Variants in UBP1 observed in about 807,000 individuals in gnomAD.
UBP1 encodes the protein upstream-binding protein 1.
In UBP1, 22 loss-of-function variants were observed where a neutral mutation model predicts 76.1. The observed-to-expected ratio is 0.29, with a 90% confidence interval of 0.21 to 0.41. The LOEUF (loss-of-function observed/expected upper bound fraction) is 0.41, where lower values mean the gene tolerates loss of function less well. Among genes scored for constraint, UBP1 ranks in the 10% least tolerant of loss-of-function variants. The probability of loss-of-function intolerance (pLI) is 1.00; values close to 1 mark genes in which losing one functional copy is unlikely to be tolerated. For synonymous variants in UBP1, 224 were observed against 237.1 expected (o/e 0.94, Z 0.51); for missense variants, 436 against 668.1 (o/e 0.65, Z 3.83).
chr3:33,415,910 C>A (rs1329541902), intron 3 of UBP1: 1 of 152,196 alleles, frequency 6.6e-6, no homozygotes, highest in Non-Finnish European at 1.5e-5. Flanking sequence ...AGGTACTGGG[C>A]AGCTGGCTTT....
At position 33,388,456 on chromosome 3, in the gene UBP1, C is replaced by CA. The variant is rs146484696; in HGVS notation, c.*1874dup. The CA allele has an allele frequency of 2.3e-3, 347 of 152,722 alleles. No individual in the cohort carries two copies. The highest frequency in any genetic ancestry group is 0.014 in the Middle Eastern group (4 of 294). The allele number at this position is 152,722 out of a possible 1,614,324, so 9.5% of individuals were successfully genotyped here. On this transcript the variant is annotated 3_prime_UTR_variant, in exon 16 of 16. Transcript: ENST00000283629. The stretch of plus-strand genomic sequence containing the variant: ...TTAGCCTGTTTCACTGGGACAAACT[C>CA]ACGTTCAATGCCACTCAGTATAATT...
Position 33,402,846 on chromosome 3 carries a change from G to T in UBP1, c.986C>A (p.Pro329His). Residue 329 changes from proline to histidine, a missense_variant, in exon 9 of 16, where the codon CCC (proline) becomes CAC (histidine). Transcript: ENST00000283629. Reference protein sequence around the residue: ...AYVNNSPSPAPTFTSPQQSTC... With the variant: ...AYVNNSPSPAHTFTSPQQSTC... ...GCTCTGCTGTGGGGAGGTGAAAGTG[G>T]GCGCTGGGGAAGGGCTGTTATTCAC... 1.2e-6 allele frequency: 2 copies of T among 1,609,212 alleles called. No individual in the cohort carries two copies. The highest frequency in any genetic ancestry group is 1.7e-6 in the Non-Finnish European group (2 of 1,178,366).
chr3:33,427,666 T>C (rs553309210), intron 1 of UBP1, among the ~76,000 whole-genome samples: 77 of 152,308 alleles, frequency 5.1e-4, no homozygotes, highest in African/African-American at 1.7e-3. Context: ...ACTCCCCCCA[T>C]GCATTTCTAT....
Position 33,425,981 on chromosome 3 carries a change from G to A in UBP1, c.114-240C>T, listed in dbSNP as rs151270571. Among the ~76,000 whole-genome samples, 630 of 129,428 alleles carry A rather than the reference G, an allele frequency of 4.9e-3. 4 individuals are homozygous for A. The highest frequency in any genetic ancestry group is 8.6e-3 in the Non-Finnish European group (536 of 62,320). 84.9% of individuals were successfully genotyped at this position (129,428 alleles called of 152,430 possible). The stretch of plus-strand genomic sequence containing the variant: ...CTCGGGGTGGGAAGTGGGGGAGGGC[G>A]GCAGGGCAGCTCTGAATATATATAT... On this transcript the variant is annotated intron_variant, in intron 1 of 15. Transcript: ENST00000283629.
At chr3:33,394,057 CCCAGGCTGGA>C (rs1559664762) in intron 13 of UBP1, among the ~76,000 whole-genome samples, 8 of 151,648 alleles carry the variant, frequency 5.3e-5, no homozygotes, top group Non-Finnish European at 1.2e-4. Flanking sequence ...TTTTTTGTTG[CCCAGGCTGGA>C]GTGCAGTGAC....
chr3:33,416,654 A>C, intron 3 of UBP1, 104 bp downstream of exon 3: 1 of 870,454 alleles, frequency 1.1e-6, no homozygotes, highest in Non-Finnish European at 1.7e-6. Context: ...TAAAGTTAAA[A>C]AGTTGTAATA....
intron 5 of UBP1, 24 bp downstream of exon 5, chr3:33,411,557 T>C: frequency 6.2e-7 from 1 of 1,602,306 alleles, no homozygotes; most frequent in East Asian, 2.2e-5. Context: ...GTTAGTAAGC[T>C]TCTAATAATG....
intron 13 of UBP1, among the ~76,000 whole-genome samples, chr3:33,393,674 ATATAATT>A (rs1241735062): frequency 6.6e-6 from 1 of 152,228 alleles, no homozygotes; most frequent in Non-Finnish European, 1.5e-5. Context: ...ATATCCACAA[ATATAATT>A]TAATAAACAT....
In UBP1 at chr3:33,409,572, T is replaced by C. The variant is rs1482366820; in HGVS notation, c.585A>G (p.Pro195=). Residue 195 remains proline, a synonymous_variant, in exon 6 of 16, where the codon CCA becomes CCG. Coordinates refer to ENST00000283629, the MANE Select transcript of UBP1 (RefSeq NM_014517.5). ...QVHCISTEFT[P]RKHGGEKGVP... ...CTCCCTTTTCACCTCCGTGCTTCCGTGGAGTAAATTCTGTGCTGATGCAGT... is the reference window on the plus strand; with the variant it reads ...CTCCCTTTTCACCTCCGTGCTTCCGCGGAGTAAATTCTGTGCTGATGCAGT... The C allele has an allele frequency of 3.7e-6, 6 of 1,614,238 alleles. No individual in the cohort carries two copies. The highest frequency in any genetic ancestry group is 1.7e-5 in the Admixed American group (1 of 60,024).
intron 2 of UBP1, among the ~76,000 whole-genome samples, chr3:33,423,068 G>C (rs928285341): frequency 1.3e-5 from 2 of 149,036 alleles, no homozygotes; most frequent in African/African-American, 5.0e-5. Context: ...TTGAGACAGA[G>C]TCTCGCTCTG....
At chr3:33,410,232 C>A (rs556686239) in intron 5 of UBP1, among the ~76,000 whole-genome samples, 1 of 152,322 alleles carries the variant, frequency 6.6e-6, no homozygotes, top group African/African-American at 2.4e-5. Flanking sequence ...CTAATACCCA[C>A]CCTGGATGAC....
At chr3:33,438,037 C>A (rs1575495327) in intron 1 of UBP1, among the ~76,000 whole-genome samples, 1 of 152,050 alleles carries the variant, frequency 6.6e-6, no homozygotes, top group African/African-American at 2.4e-5. Flanking sequence ...GAAAATTATC[C>A]CTGTAAAGAG....
chr3:33,412,939 T>G, intron 3 of UBP1, 112 bp from the exon 4 acceptor site: 1 of 676,906 alleles, frequency 1.5e-6, no homozygotes, highest in East Asian at 2.6e-5. Flanking sequence ...ACAACTAGAT[T>G]CTGTTTTAAA....
intron 15 of UBP1, 179 bp from the exon 16 acceptor site, chr3:33,390,547 T>A: frequency 1.5e-6 from 1 of 651,570 alleles, no homozygotes; most frequent in Non-Finnish European, 2.7e-6. Flanking sequence ...AAACTTCATG[T>A]ACACATTCCC....
chr3:33,420,008 T>C (rs1210308265), intron 2 of UBP1, among the ~76,000 whole-genome samples: 1 of 152,156 alleles, frequency 6.6e-6, no homozygotes, highest in Non-Finnish European at 1.5e-5. Flanking sequence ...AGTTGAAAAA[T>C]ATAACTGTTG....
At chr3:33,431,050 A>G (rs1364689175) in intron 1 of UBP1, among the ~76,000 whole-genome samples, 1 of 152,212 alleles carries the variant, frequency 6.6e-6, no homozygotes, top group Non-Finnish European at 1.5e-5. Flanking sequence ...TTTAAAGGAC[A>G]GCAAAACTGA....
rs571149893 is a variant in UBP1 at position 33,394,273 on chromosome 3, T to C, written c.1391-819A>G. Among the ~76,000 whole-genome samples the C allele has an allele frequency of 1.7e-4, 26 of 151,622 alleles. 2 individuals carry two copies. In the South Asian group the frequency reaches 5.4e-3, roughly 32 times the overall value. On this transcript the variant is annotated intron_variant, in intron 13 of 15. Transcript: ENST00000283629. ...TGTTGCCCAAGCTGTCTCAAACTCC[T>C]GGGCTCACGCAGTCTGCCCAGTTAG...
intron 2 of UBP1, among the ~76,000 whole-genome samples, chr3:33,423,440 A>G (rs751248810): frequency 2.0e-5 from 3 of 152,226 alleles, no homozygotes; most frequent in Non-Finnish European, 2.9e-5. Flanking sequence ...AAAATCAAGA[A>G]ATAAATGAAC....
chr3:33,393,097 G>T, intron 14 of UBP1: 1 of 500,866 alleles, frequency 2.0e-6, no homozygotes, highest in Non-Finnish European at 3.3e-6. Context: ...GGGCTGGGGG[G>T]AGGCTAAGCC....
Sources: gnomAD v4.1 joint callset for allele counts (sites outside exome capture counted in the v4.1 genomes callset) on GRCh38, gnomAD v4.1.1 for gene constraint, MANE v1.5 for transcripts, NCBI Gene and HGNC (gene_info 2026-07-23, HGNC 2026-07-21) for gene names.